SNX29: variants seen among roughly 807,000 people sequenced by gnomAD.
SNX29 encodes the protein sorting nexin-29.
SNX29 carries 78 observed loss-of-function variants against 102.1 expected under a neutral mutation model. The observed-to-expected ratio is 0.76, with a 90% CI of 0.64 to 0.92. The LOEUF (loss-of-function observed/expected upper bound fraction) is 0.92. Among genes scored for constraint, SNX29 ranks in the 40% least tolerant of loss-of-function variants. The probability of loss-of-function intolerance (pLI) is 0.00; values close to 1 mark genes in which losing one functional copy is unlikely to be tolerated. For synonymous variants in SNX29, 580 were observed against 414.5 expected (o/e 1.40, Z -4.85); for missense variants, 1,280 against 1,061.7 (o/e 1.21, Z -2.86).
intron 14 of SNX29, among the ~76,000 whole-genome samples, chr16:12,241,036 A>G (rs1254734482): frequency 6.6e-6 from 1 of 152,158 alleles, no homozygotes; most frequent in Non-Finnish European, 1.5e-5. Flanking sequence ...TTCCGTTTGT[A>G]GTATGCGTGA....
At chr16:12,012,739 A>G (rs2056695467) in intron 3 of SNX29, among the ~76,000 whole-genome samples, 1 of 151,986 alleles carries the variant, frequency 6.6e-6, no homozygotes, top group African/African-American at 2.4e-5. Flanking sequence ...GCCATTGTGT[A>G]CCATTTTCAC....
At chr16:11,984,582 A>G (rs563959026) in intron 1 of SNX29, among the ~76,000 whole-genome samples, 42 of 152,106 alleles carry the variant, frequency 2.8e-4, no homozygotes, top group African/African-American at 1.0e-3. Context: ...TATTGATTCT[A>G]GTTGTAGAAA....
At chr16:12,224,677 T>C (rs964779164) in intron 14 of SNX29, among the ~76,000 whole-genome samples, 4 of 152,164 alleles carry the variant, frequency 2.6e-5, no homozygotes, top group African/African-American at 7.2e-5. Flanking sequence ...GCAGGGAGTA[T>C]TGTTGAATTT....
intron 13 of SNX29, among the ~76,000 whole-genome samples, chr16:12,193,406 T>C (rs551608836): frequency 1.3e-5 from 2 of 149,886 alleles, no homozygotes; most frequent in African/African-American, 4.9e-5. Flanking sequence ...GAGGTGAAGG[T>C]TGTAGTGAGC....
At chr16:12,427,333 G>A (rs560334823) in intron 18 of SNX29, among the ~76,000 whole-genome samples, 2 of 151,534 alleles carry the variant, frequency 1.3e-5, no homozygotes, top group African/African-American at 4.8e-5. Flanking sequence ...ATTTTTAAAT[G>A]TTGGCAACCA....
intron 15 of SNX29, among the ~76,000 whole-genome samples, chr16:12,342,463 G>C (rs1027670072): frequency 6.6e-6 from 1 of 152,200 alleles, no homozygotes; most frequent in Non-Finnish European, 1.5e-5. Flanking sequence ...TGTGGTCCCA[G>C]ATTCAAGCCC....
In SNX29 at chr16:12,329,708, C is replaced by A. The variant is rs551819996; in HGVS notation, c.1783-26455C>A. On this transcript the variant is annotated intron_variant, in intron 15 of 20. Coordinates refer to ENST00000566228, the MANE Select transcript of SNX29 (RefSeq NM_032167.5). The stretch of plus-strand genomic sequence containing the variant: ...TATGCGTTGGCTCACAGTTCACTGG[C>A]AACGAGTCCTCTGCTTCAGATCACT... Among the ~76,000 whole-genome samples the A allele has an allele frequency of 1.9e-4, 29 of 152,356 alleles. 1 individual carries two copies. The South Asian group carries it at 2.3e-3, about 12-fold the overall frequency.
chr16:12,543,701 T>G (rs1183828665), intron 20 of SNX29, among the ~76,000 whole-genome samples: 1 of 152,226 alleles, frequency 6.6e-6, no homozygotes, highest in Non-Finnish European at 1.5e-5. Flanking sequence ...TCAGAAAATA[T>G]TAACCACGGG....
At chr16:12,549,789 A>T (rs1035981452) in intron 20 of SNX29, among the ~76,000 whole-genome samples, 1 of 152,242 alleles carries the variant, frequency 6.6e-6, no homozygotes, top group Non-Finnish European at 1.5e-5. Context: ...CTACTTGCAG[A>T]CAAGGCCCAT....
In SNX29 at chr16:12,362,800, C is replaced by A. The variant is rs113875739; in HGVS notation, c.1899+6521C>A. Among the ~76,000 whole-genome samples the A allele has an allele frequency of 4.8e-3, 728 of 152,234 alleles. 5 individuals are homozygous for A. Among genetic ancestry groups the A allele is most frequent in the African/African-American group, 0.017 (706 of 41,516 alleles). ...TGTCTCTCCCTTCCTGTCTTAATGT[C>A]ATGTTACATTGATTTATCACTGATC... is the stretch of plus-strand genomic sequence containing the variant. On this transcript the variant is annotated intron_variant, in intron 16 of 20. Transcript: ENST00000566228.
intron 3 of SNX29, among the ~76,000 whole-genome samples, chr16:12,021,079 C>A (rs1442732291): frequency 6.6e-6 from 1 of 152,162 alleles, no homozygotes; most frequent in African/African-American, 2.4e-5. Flanking sequence ...TAATCCAGTC[C>A]ATTTTCATGA....
chr16:12,423,571 T>C (rs374105675), intron 18 of SNX29, among the ~76,000 whole-genome samples: 1 of 152,080 alleles, frequency 6.6e-6, no homozygotes, highest in East Asian at 1.9e-4. Flanking sequence ...CATGCTTTTT[T>C]TTCTTCTTCT....
intron 15 of SNX29, among the ~76,000 whole-genome samples, chr16:12,334,187 G>C (rs528746492): frequency 6.6e-6 from 1 of 152,246 alleles, no homozygotes; most frequent in Admixed American, 6.5e-5. Flanking sequence ...ACAAATGTTG[G>C]TTTAAAAACC....
At chr16:12,265,173 A>G (rs886701376) in intron 14 of SNX29, among the ~76,000 whole-genome samples, 1 of 152,174 alleles carries the variant, frequency 6.6e-6, no homozygotes, top group Non-Finnish European at 1.5e-5. Context: ...CTTTTGCACC[A>G]CTTGTTTCAG....
chr16:12,552,691 G>A (rs750634958), intron 20 of SNX29, among the ~76,000 whole-genome samples: 2 of 152,208 alleles, frequency 1.3e-5, no homozygotes, highest in Non-Finnish European at 2.9e-5. Context: ...ACAAGGGTCG[G>A]GGGAAGATTT....
At chr16:12,139,287 C>G (rs1440987054) in intron 13 of SNX29, among the ~76,000 whole-genome samples, 1 of 150,574 alleles carries the variant, frequency 6.6e-6, no homozygotes, top group Non-Finnish European at 1.5e-5. Context: ...CTCTGAGATA[C>G]GCTTCATGGG....
At chr16:12,541,202 T>C (rs192268704) in intron 20 of SNX29, among the ~76,000 whole-genome samples, 1 of 152,120 alleles carries the variant, frequency 6.6e-6, no homozygotes, top group Admixed American at 6.5e-5. Flanking sequence ...TGAAGTATTA[T>C]GGAATATTGG....
chr16:12,135,552 T>C (rs1048942061), intron 13 of SNX29: 2 of 1,326,556 alleles, frequency 1.5e-6, no homozygotes, highest in African/African-American at 3.0e-5. Flanking sequence ...TGTTGGCAGC[T>C]ATCTTTGCTA....
chr16:12,520,308 G>C (rs2090049198), intron 19 of SNX29, among the ~76,000 whole-genome samples: 1 of 152,230 alleles, frequency 6.6e-6, no homozygotes, highest in South Asian at 2.1e-4. Context: ...GAATCTCAAA[G>C]AACTGAACCC....
Sources: allele counts gnomAD v4.1 joint callset (sites outside exome capture counted in the v4.1 genomes callset), GRCh38; gene constraint gnomAD v4.1.1; transcripts MANE v1.5; gene names NCBI Gene and HGNC (gene_info 2026-07-23, HGNC 2026-07-21).